PLXDC2: variants seen among roughly 807,000 people sequenced by gnomAD.
The protein encoded by PLXDC2 is plexin domain containing 2.
A neutral mutation model predicts 68.9 loss-of-function variants in PLXDC2; 40 were observed. The ratio of observed to expected loss-of-function variants is 0.58; its 90% CI spans 0.45 to 0.76. The LOEUF (loss-of-function observed/expected upper bound fraction) is 0.76, where lower values mean the gene tolerates loss of function less well. Among genes scored for constraint, PLXDC2 ranks in the 30% least tolerant of loss-of-function variants. The pLI is 0.00. For missense variants in PLXDC2, 644 were observed against 661.9 expected, an observed-to-expected ratio of 0.97 and a Z score of 0.30; for synonymous variants, 243 against 234.2, an observed-to-expected ratio of 1.04 and a Z score of -0.34.
chr10:20,183,361 G>C (rs145119040), intron 9 of PLXDC2, among the ~76,000 whole-genome samples: 46 of 151,910 alleles, frequency 3.0e-4, no homozygotes, highest in African/African-American at 7.7e-4. Context: ...GGCATCATAA[G>C]GTATGATGCT....
At chr10:20,233,048 C>A (rs186306125) in intron 12 of PLXDC2, among the ~76,000 whole-genome samples, 2 of 151,902 alleles carry the variant, frequency 1.3e-5, no homozygotes, top group Non-Finnish European at 2.9e-5. Context: ...CCTTGGTGAA[C>A]CAGCATCTCT....
At chr10:19,838,973 G>A (rs971419220) in intron 1 of PLXDC2, among the ~76,000 whole-genome samples, 3 of 152,052 alleles carry the variant, frequency 2.0e-5, no homozygotes, top group African/African-American at 7.2e-5. Flanking sequence ...ATCACCTAAG[G>A]CCAGGAGTTC....
chr10:20,084,962 A>G (rs1833170479), intron 4 of PLXDC2, among the ~76,000 whole-genome samples: 1 of 151,916 alleles, frequency 6.6e-6, no homozygotes, highest in African/African-American at 2.4e-5. Context: ...ATATGATCTC[A>G]GTGGCATCTT....
chr10:20,245,068 C>T (rs1446099607), intron 12 of PLXDC2, among the ~76,000 whole-genome samples: 1 of 152,170 alleles, frequency 6.6e-6, no homozygotes, highest in Non-Finnish European at 1.5e-5. Flanking sequence ...GAGCCAAGAT[C>T]ATGCCTTTGC....
At chr10:20,246,659 C>T (rs1247336373) in intron 13 of PLXDC2, among the ~76,000 whole-genome samples, 2 of 152,072 alleles carry the variant, frequency 1.3e-5, no homozygotes, top group Non-Finnish European at 2.9e-5. Flanking sequence ...CACATGTGCA[C>T]CTTTGACTCT....
chr10:19,938,249 C>T (rs1833761499), intron 1 of PLXDC2, among the ~76,000 whole-genome samples: 1 of 152,100 alleles, frequency 6.6e-6, no homozygotes, highest in Non-Finnish European at 1.5e-5. Context: ...TGATCTCTCA[C>T]AAGCAAGAGT....
chr10:20,032,457 G>T (rs1835515272), intron 2 of PLXDC2, among the ~76,000 whole-genome samples: 2 of 152,130 alleles, frequency 1.3e-5, no homozygotes, highest in Non-Finnish European at 2.9e-5. Context: ...TAGATTTCTG[G>T]TTTAATAGGT....
At chr10:20,254,964 A>G (rs1835723619) in intron 13 of PLXDC2, among the ~76,000 whole-genome samples, 2 of 152,204 alleles carry the variant, frequency 1.3e-5, no homozygotes, top group African/African-American at 2.4e-5. Context: ...TTACTCTTCT[A>G]AGTAACACAT....
chr10:20,146,667 T>G (rs1405155768), intron 5 of PLXDC2, among the ~76,000 whole-genome samples: 1 of 152,044 alleles, frequency 6.6e-6, no homozygotes, highest in Non-Finnish European at 1.5e-5. Context: ...TCTTTTTTAC[T>G]TTTAAAGTTT....
At chr10:20,014,500 A>G (rs1835176669) in intron 2 of PLXDC2, among the ~76,000 whole-genome samples, 2 of 140,282 alleles carry the variant, frequency 1.4e-5, no homozygotes, top group Non-Finnish European at 3.0e-5. Flanking sequence ...TCTTTCTGTC[A>G]TCAACCCATC....
chr10:20,239,848 G>T (rs1214520407), intron 12 of PLXDC2, among the ~76,000 whole-genome samples: 3 of 152,140 alleles, frequency 2.0e-5, no homozygotes, highest in East Asian at 1.9e-4. Flanking sequence ...CTTCCCTAGA[G>T]GTGAATGAAC....
chr10:20,101,415 T>C (rs1011623378), intron 4 of PLXDC2, among the ~76,000 whole-genome samples: 6 of 152,212 alleles, frequency 3.9e-5, no homozygotes, highest in African/African-American at 1.4e-4. Context: ...TCCTTTCTGC[T>C]TCTTGAAGTT....
At chr10:20,126,301 A>G (rs182006255) in intron 4 of PLXDC2, among the ~76,000 whole-genome samples, 1 of 146,974 alleles carries the variant, frequency 6.8e-6, no homozygotes, top group Admixed American at 6.9e-5. Flanking sequence ...TAATACATAT[A>G]TACACATACG....
chr10:20,121,356 C>T (rs1198974944), intron 4 of PLXDC2, among the ~76,000 whole-genome samples: 4 of 152,150 alleles, frequency 2.6e-5, no homozygotes, highest in Non-Finnish European at 4.4e-5. Flanking sequence ...CCGCACTAAC[C>T]ATGCCTAGGA....
At chr10:19,864,920 G>C (rs1837385909) in intron 1 of PLXDC2, among the ~76,000 whole-genome samples, 1 of 152,164 alleles carries the variant, frequency 6.6e-6, no homozygotes, top group Admixed American at 6.6e-5. Flanking sequence ...GTAAGTGAGA[G>C]TTGGAAAAGC....
At chr10:20,192,978 A>G (rs113365763) in intron 9 of PLXDC2, among the ~76,000 whole-genome samples, 7 of 152,184 alleles carry the variant, frequency 4.6e-5, no homozygotes, top group African/African-American at 1.7e-4. Flanking sequence ...TGTTGTCCCA[A>G]TGTCCCATTT....
intron 1 of PLXDC2, among the ~76,000 whole-genome samples, chr10:19,993,482 C>CA (rs1436936543): frequency 7.9e-5 from 12 of 152,116 alleles, no homozygotes; most frequent in African/African-American, 2.9e-4. Context: ...TGCAGTGGTG[C>CA]AATCTCGGTT....
At chr10:20,052,229 T>C (rs781006380) in intron 3 of PLXDC2, among the ~76,000 whole-genome samples, 4 of 152,140 alleles carry the variant, frequency 2.6e-5, no homozygotes, top group Non-Finnish European at 4.4e-5. Flanking sequence ...CCTACATTCT[T>C]CTTTCATAAA....
chr10:20,034,551 G>T (rs182374096), intron 2 of PLXDC2, among the ~76,000 whole-genome samples: 1 of 152,096 alleles, frequency 6.6e-6, no homozygotes, highest in Non-Finnish European at 1.5e-5. Context: ...ATTATTTTCC[G>T]ATATCAAAGG....
Sources: allele counts gnomAD v4.1 joint callset (sites outside exome capture counted in the v4.1 genomes callset), GRCh38; gene constraint gnomAD v4.1.1; transcripts MANE v1.5; gene names NCBI Gene and HGNC (gene_info 2026-07-23, HGNC 2026-07-21).